RAB40B: variants seen among roughly 807,000 people sequenced by gnomAD.
RAB40B encodes the protein RAB40B, member RAS oncogene family, also known as ras-related protein Rab-40B.
Under a neutral mutation model 24.0 loss-of-function variants are expected in RAB40B, and 21 were observed. The ratio of observed to expected loss-of-function variants is 0.88; its 90% CI spans 0.62 to 1.26. RAB40B has a LOEUF of 1.26. Among genes scored for constraint, RAB40B ranks in the 50% most tolerant of loss-of-function variants. The probability of loss-of-function intolerance (pLI) is 0.00; values close to 1 mark genes in which losing one functional copy is unlikely to be tolerated. For synonymous variants in RAB40B, 167 were observed against 169.8 expected, an observed-to-expected ratio of 0.98 and a Z score of 0.13; for missense variants, 348 against 390.5, an observed-to-expected ratio of 0.89 and a Z score of 0.92.
At chr17:82,659,885 A>G (rs941703508) in intron 3 of RAB40B, 2 of 518,994 alleles carry the variant, frequency 3.9e-6, no homozygotes, top group East Asian at 7.0e-5. Context: ...TAGAACTCAC[A>G]CCCACGAGCC....
chr17:82,659,714 C>A (rs369034439), intron 3 of RAB40B, 57 bp from the exon 4 acceptor site: 9 of 1,386,314 alleles, frequency 6.5e-6, no homozygotes, highest in African/African-American at 1.4e-5. Context: ...ACAGCTGTGG[C>A]CATGCACGCA....
rs900500537 is a variant in RAB40B, at chr17:82,667,216, C to A, written c.143-2660G>T. On this transcript the variant is annotated intron_variant, in intron 1 of 5. Transcript: ENST00000571995. This position sits in a 1 kb window ranked among gnomAD's most constrained non-coding sequence, Gnocchi z 4.3. ...CCCTTGGACTTGGCCACAAGCCCCC[C>A]TGCATCCCAGGAGGCAGTGTGCCGA... 6.6e-5 allele frequency among the ~76,000 whole-genome samples: 10 copies of A among 152,260 alleles called. No homozygotes were observed. The highest frequency in any genetic ancestry group is 7.3e-5 in the Non-Finnish European group (5 of 68,040).
chr17:82,659,495 G>A, intron 4 of RAB40B, 85 bp downstream of exon 4: 1 of 1,370,592 alleles, frequency 7.3e-7, no homozygotes, highest in Non-Finnish European at 1.0e-6. Flanking sequence ...GTACCCATGA[G>A]CCCTGGAGGG....
intron 1 of RAB40B, among the ~76,000 whole-genome samples, chr17:82,683,436 G>A (rs769388496): frequency 3.2e-4 from 48 of 152,218 alleles, no homozygotes; most frequent in African/African-American, 8.9e-4. Context: ...CATCCAAAAC[G>A]TATTTAAACA....
intron 1 of RAB40B, among the ~76,000 whole-genome samples, chr17:82,672,630 G>A (rs2046353189): frequency 6.6e-6 from 1 of 152,240 alleles, no homozygotes; most frequent in Non-Finnish European, 1.5e-5. Context: ...CTTACAAGGA[G>A]AGGAAGACAC....
Position 82,694,560 on chromosome 17 carries a change from T to C in RAB40B, c.142+3895A>G, listed in dbSNP as rs35332089. Among the ~76,000 whole-genome samples the C allele has an allele frequency of 5.2e-3, 502 of 96,174 alleles. 18 individuals carry two copies. The highest frequency in any genetic ancestry group is 0.019 in the African/African-American group (445 of 23,992). 63.1% of individuals were successfully genotyped at this position (96,174 alleles called of 152,430 possible). On this transcript the variant is annotated intron_variant, in intron 1 of 5. Transcript: ENST00000571995. ...AAAAAAAAATACATACACACACACA[T>C]ACACACACACACCTGGAAACTCAAA...
At chr17:82,693,089 G>A (rs192062681) in intron 1 of RAB40B, among the ~76,000 whole-genome samples, 1 of 151,710 alleles carries the variant, frequency 6.6e-6, no homozygotes, top group Non-Finnish European at 1.5e-5. Context: ...TGCAACCTCC[G>A]CCTCCCGGGT....
Position 82,657,598 on chromosome 17 carries a change from T to C in RAB40B, c.*265A>G, listed in dbSNP as rs376257474. ...GCAGTGCAATCATGATAAAGTAACA[T>C]TCAGAATTTCATGTTACCAAGAGTC... On this transcript the variant is annotated 3_prime_UTR_variant, in exon 6 of 6. Coordinates refer to ENST00000571995, the MANE Select transcript of RAB40B (RefSeq NM_006822.3). 2.8e-5 allele frequency: 16 copies of C among 576,564 alleles called. No homozygotes were observed. The highest frequency in any genetic ancestry group is 1.9e-4 in the African/African-American group (10 of 53,966). The allele number at this position is 576,564 out of a possible 1,614,324, so 35.7% of individuals were successfully genotyped here. A position where few individuals can be genotyped will look rare whatever the true frequency, so the allele number is the denominator to read the frequency against.
In RAB40B at chr17:82,675,745, C is replaced by T. The variant is rs1179293502; in HGVS notation, c.143-11189G>A. Among the ~76,000 whole-genome samples the T allele has an allele frequency of 6.6e-6, 1 of 152,162 alleles. No homozygotes were observed. The highest frequency in any genetic ancestry group is 1.5e-5 in the Non-Finnish European group (1 of 68,034). ...CTTCACTCATCCCATCCACAAAGCCCCACGTGACCTAATCATCTTCCAATA... is the reference window on the plus strand; with the variant it reads ...CTTCACTCATCCCATCCACAAAGCCTCACGTGACCTAATCATCTTCCAATA... On this transcript the variant is annotated intron_variant, in intron 1 of 5. Transcript: ENST00000571995. This position sits in a 1 kb window ranked among gnomAD's most constrained non-coding sequence, Gnocchi z 4.5.
chr17:82,674,496 G>A (rs971519532), intron 1 of RAB40B, among the ~76,000 whole-genome samples: 9 of 150,814 alleles, frequency 6.0e-5, no homozygotes, highest in Admixed American at 1.3e-4. Flanking sequence ...AAAATTAGCC[G>A]GGTGTGGTGG....
intron 1 of RAB40B, among the ~76,000 whole-genome samples, chr17:82,671,431 C>CAT (rs2046333222): frequency 7.3e-6 from 1 of 136,178 alleles, no homozygotes; most frequent in South Asian, 2.5e-4. Flanking sequence ...AACACACACA[C>CAT]GCTCCCTGTA....
rs1442104263 is a variant in RAB40B at position 82,659,374 on chromosome 17, T to C, written c.342+206A>G. On this transcript the variant is annotated intron_variant, in intron 4 of 5. Transcript: ENST00000571995. ...GCTCGTTTCGTCTGGACCAGCTTCC[T>C]GAGCTTTCGTGATTGTAGCTATCAC... is the stretch of plus-strand genomic sequence containing the variant. 5.2e-6 allele frequency: 3 copies of C among 574,712 alleles called. No homozygotes were observed. The Admixed American group carries it at 9.4e-5, about 18-fold the overall frequency. The allele number at this position is 574,712 out of a possible 1,614,324, so 35.6% of individuals were successfully genotyped here. A position where few individuals can be genotyped will look rare whatever the true frequency, so the allele number is the denominator to read the frequency against.
intron 1 of RAB40B, among the ~76,000 whole-genome samples, chr17:82,674,653 G>T (rs79500370): frequency 7.5e-6 from 1 of 133,448 alleles, no homozygotes; most frequent in African/African-American, 2.8e-5. Flanking sequence ...AAAAAAAAAA[G>T]AAAAGAAAAG....
In RAB40B at chr17:82,664,566, G is replaced by T. The variant is rs7211237; in HGVS notation, c.143-10C>A. On this transcript the variant is annotated splice_polypyrimidine_tract_variant and intron_variant, in intron 1 of 5. Transcript: ENST00000571995. ...GTCTTGTAGTCGATGCCTGCGGAAG[G>T]GTTAGAGACGGCTTAGGCCTGAGGC... The T allele has an allele frequency of 0.011, 17,927 of 1,613,220 alleles. 158 individuals carry two copies. The highest frequency in any genetic ancestry group is 0.027 in the South Asian group (2,441 of 91,068).
At position 82,697,086 on chromosome 17, in the gene RAB40B, C is replaced by T. The variant is rs11870880; in HGVS notation, c.142+1369G>A. 0.03 allele frequency among the ~76,000 whole-genome samples: 4,507 copies of T among 152,166 alleles called. 218 individuals are homozygous for T. The highest frequency in any genetic ancestry group is 0.1 in the African/African-American group (4,302 of 41,496). On this transcript the variant is annotated intron_variant, in intron 1 of 5. Transcript: ENST00000571995. This position sits in a 1 kb window ranked among gnomAD's most constrained non-coding sequence, Gnocchi z 4.9. ...ACCCACCAGCTGCCAGAGACTCCCC[C>T]GCATGCTGCAGTTTCAGGAGGCCTC...
In RAB40B at chr17:82,698,462, G is replaced by C; in HGVS notation, c.135C>G (p.His45Gln). ...QDGAAESPYG[H>Q]PAGIDYKTTT... Reference sequence around the variant, plus strand: ...CCCTCCGCCCGCGCTCACCCGCCGGGTGGCCGTACGGGGACTCGGCCGCGC... The same window carrying C: ...CCCTCCGCCCGCGCTCACCCGCCGGCTGGCCGTACGGGGACTCGGCCGCGC... The change falls in exon 1 of 6, where the codon CAC becomes CAG. Residue 45 changes from histidine (H) to glutamine (Q), a missense_variant. Physicochemically the swap from His to Gln is conservative, Grantham distance 24 (BLOSUM62 0). Coordinates refer to ENST00000571995, the MANE Select transcript of RAB40B (RefSeq NM_006822.3). The C allele has an allele frequency of 6.8e-7, 1 of 1,467,426 alleles. No individual in the cohort carries two copies. The highest frequency in any genetic ancestry group is 9.1e-7 in the Non-Finnish European group (1 of 1,098,340). 90.9% of individuals were successfully genotyped at this position (1,467,426 alleles called of 1,614,324 possible). A position where few individuals can be genotyped will look rare whatever the true frequency, so the allele number is the denominator to read the frequency against.
chr17:82,688,660 G>C (rs191811184), intron 1 of RAB40B, among the ~76,000 whole-genome samples: 4 of 151,298 alleles, frequency 2.6e-5, no homozygotes, highest in African/African-American at 9.7e-5. Context: ...TGGGCCGGGC[G>C]TGGTGGCTCA....
At chr17:82,682,775 C>T (rs1003495788) in intron 1 of RAB40B, among the ~76,000 whole-genome samples, 19 of 152,156 alleles carry the variant, frequency 1.2e-4, no homozygotes, top group African/African-American at 4.1e-4. Context: ...ATAGTCTTTT[C>T]AACAAATGCT....
chr17:82,696,005 G>A (rs1397845008), intron 1 of RAB40B, among the ~76,000 whole-genome samples: 2 of 152,046 alleles, frequency 1.3e-5, no homozygotes, highest in Non-Finnish European at 2.9e-5. Context: ...GAGTAGCTGG[G>A]ATTACAGACA....
Sources: allele counts gnomAD v4.1 joint callset (sites outside exome capture counted in the v4.1 genomes callset), GRCh38; gene constraint gnomAD v4.1.1; non-coding constraint Gnocchi (gnomAD v3.1); transcripts MANE v1.5; gene names NCBI Gene and HGNC (gene_info 2026-07-23, HGNC 2026-07-21).